Variants in CPZ observed in about 807,000 individuals in gnomAD.
The protein encoded by CPZ is VEZT/CPZ fusion.
Under a neutral mutation model 61.8 loss-of-function variants are expected in CPZ, and 103 were observed. That is an observed-to-expected ratio of 1.67 (90% CI 1.42 to 1.96). The LOEUF is 1.96. Ranked by LOEUF, CPZ falls within the 30% of genes most tolerant of loss-of-function variation. The probability of loss-of-function intolerance (pLI) is 0.00; values close to 1 mark genes in which losing one functional copy is unlikely to be tolerated. For synonymous variants in CPZ, 551 were observed against 373.7 expected, an observed-to-expected ratio of 1.47 and a Z score of -5.47; for missense variants, 1,461 against 914.9, an observed-to-expected ratio of 1.60 and a Z score of -7.70.
intron 7 of CPZ, among the ~76,000 whole-genome samples, chr4:8,608,380 AGGTGCCG>A (rs1262748736): frequency 6.6e-6 from 1 of 152,278 alleles, no homozygotes; most frequent in Admixed American, 6.5e-5. Flanking sequence ...GGCAAGTGCC[AGGTGCCG>A]GGCCCCTCAT....
At chr4:8,609,027 CTTCA>C (rs1560297568) in intron 7 of CPZ, among the ~76,000 whole-genome samples, 4 of 79,896 alleles carry the variant, frequency 5.0e-5, no homozygotes, top group Admixed American at 9.8e-5. Flanking sequence ...TAACTCACTC[CTTCA>C]CTCACCCATT....
chr4:8,611,415 A>G, intron 7 of CPZ: 1 of 414,136 alleles, frequency 2.4e-6, no homozygotes, highest in Non-Finnish European at 5.0e-6. Context: ...CACACATCCA[A>G]ACATGTCAAG....
chr4:8,609,233 G>GTCACTCATTCACTCATCAC (rs1715414613), intron 7 of CPZ, among the ~76,000 whole-genome samples: 1 of 24,382 alleles, frequency 4.1e-5, no homozygotes, highest in Non-Finnish European at 8.4e-5. Context: ...CTCACTCATT[G>GTCACTCATTCACTCATCAC]TCACTCATTC....
chr4:8,612,775 C>T (rs1052975555), intron 8 of CPZ, among the ~76,000 whole-genome samples: 5 of 152,226 alleles, frequency 3.3e-5, no homozygotes, highest in African/African-American at 9.6e-5. Flanking sequence ...TGCACCTCTC[C>T]ATGCCGGCAC....
rs149208953 is a variant in CPZ, at chr4:8,612,086, G to C, written c.1287G>C (p.Ser429=). ...ADVHPMMMDR[S]ENRCGGNFLK... ...TCCACCCCATGATGATGGACAGGTC[G>C]GAGAATAGGTGTGGAGGCAATTTCC... Residue 429 remains serine, a synonymous_variant, in exon 8 of 11, where the codon TCG becomes TCC. Transcript: ENST00000360986. 6.2e-7 allele frequency: 1 copy of C among 1,613,524 alleles called. No homozygotes were observed. The highest frequency in any genetic ancestry group is 1.1e-5 in the South Asian group (1 of 91,032).
At chr4:8,611,014 A>C in intron 7 of CPZ, 1 of 290,716 alleles carries the variant, frequency 3.4e-6, no homozygotes, top group Non-Finnish European at 7.0e-6. Flanking sequence ...TCACTCACTC[A>C]TTCACTCATT....
chr4:8,596,431 C>T (rs1714188756), intron 1 of CPZ, among the ~76,000 whole-genome samples: 1 of 152,254 alleles, frequency 6.6e-6, no homozygotes, highest in South Asian at 2.1e-4. Flanking sequence ...GTGCCTTGCA[C>T]ATGGCGGCCA....
rs112947342 is a variant in CPZ at position 8,619,333 on chromosome 4, G to T, written c.1675G>T (p.Ala559Ser). 112 of 1,613,964 alleles carry T rather than the reference G, an allele frequency of 6.9e-5. No individual in the cohort carries two copies. Among genetic ancestry groups the T allele is most frequent in the Non-Finnish European group, 9.4e-5 (111 of 1,180,000 alleles). The change falls in exon 11 of 11, where the codon GCC (alanine) becomes TCC (serine). Residue 559 changes from alanine (A) to serine (S), a missense_variant. Transcript: ENST00000360986. ...TGTCATTGCCCAAGCCCCTGGCTACGCCAAAGTCATCAAGAAAGTCATCAT... is the reference window on the plus strand; with the variant it reads ...TGTCATTGCCCAAGCCCCTGGCTACTCCAAAGTCATCAAGAAAGTCATCAT... ...HIVIAQAPGY[A>S]KVIKKVIIPA... is the part of the protein sequence containing the mutation.
At chr4:8,611,456 C>T (rs1156590714) in intron 7 of CPZ, among the ~76,000 whole-genome samples, 1 of 152,140 alleles carries the variant, frequency 6.6e-6, no homozygotes, top group Non-Finnish European at 1.5e-5. Context: ...GTGTTCTGTC[C>T]CTCTGCCAAC....
chr4:8,610,467 T>C (rs1045087056), intron 7 of CPZ, among the ~76,000 whole-genome samples: 1 of 152,032 alleles, frequency 6.6e-6, no homozygotes. Context: ...CAGGGAGGCC[T>C]TGTGGGTAGA....
At chr4:8,613,564 C>T (rs889828238) in intron 8 of CPZ, among the ~76,000 whole-genome samples, 2 of 152,204 alleles carry the variant, frequency 1.3e-5, no homozygotes, top group Non-Finnish European at 2.9e-5. Flanking sequence ...GCAGGCTCTG[C>T]GGCTCAGGAG....
chr4:8,599,776 C>A (rs745748509), intron 2 of CPZ: 2 of 528,260 alleles, frequency 3.8e-6, no homozygotes, highest in Non-Finnish European at 6.2e-6. Context: ...ACACGTCCTG[C>A]ATTTGGGCCT....
At chr4:8,610,282 C>G (rs969729964) in intron 7 of CPZ, among the ~76,000 whole-genome samples, 1 of 152,236 alleles carries the variant, frequency 6.6e-6, no homozygotes, top group African/African-American at 2.4e-5. Context: ...CCTCTGATGT[C>G]CTTGTCCTGC....
intron 3 of CPZ, 46 bp downstream of exon 3, chr4:8,601,543 G>C (rs777051778): frequency 7.0e-7 from 1 of 1,423,104 alleles, no homozygotes; most frequent in Non-Finnish European, 9.2e-7. Flanking sequence ...GGTCCAGGTG[G>C]TCAAGGAGGA....
At chr4:8,619,141 C>A (rs1242193624) in intron 10 of CPZ, 121 bp from the exon 11 acceptor site, 10 of 789,022 alleles carry the variant, frequency 1.3e-5, no homozygotes, top group African/African-American at 1.8e-5. Context: ...CACACAGAGG[C>A]AAGTGCACAT....
At chr4:8,610,545 C>T (rs1251186826) in intron 7 of CPZ, among the ~76,000 whole-genome samples, 1 of 152,162 alleles carries the variant, frequency 6.6e-6, no homozygotes, top group African/African-American at 2.4e-5. Context: ...CTCCTACCCC[C>T]CGAGGCTACA....
At position 8,618,093 on chromosome 4, in the gene CPZ, G is replaced by T. The variant is rs1322494776; in HGVS notation, c.1504-336G>T. 2.8e-5 allele frequency: 9 copies of T among 320,964 alleles called. No individual in the cohort carries two copies. The East Asian group carries it at 7.0e-4, about 25-fold the overall frequency. 19.9% of individuals were successfully genotyped at this position (320,964 alleles called of 1,614,324 possible). A position where few individuals can be genotyped will look rare whatever the true frequency, so the allele number is the denominator to read the frequency against. ...AGGGAGTCCCGCTGGGGCTGGGAAG[G>T]CAGGGAAGGAATGCCGATCAGGCAG... On this transcript the variant is annotated intron_variant, in intron 9 of 10. Coordinates refer to ENST00000360986, the MANE Select transcript of CPZ (RefSeq NM_001014447.3).
Position 8,603,642 on chromosome 4 carries a change from G to C in CPZ, c.497-334G>C, listed in dbSNP as rs886982330. 8 of 349,040 alleles carry C rather than the reference G, an allele frequency of 2.3e-5. No homozygotes were observed. The South Asian group carries it at 3.5e-4, about 15-fold the overall frequency. The allele number at this position is 349,040 out of a possible 1,614,324, so 21.6% of individuals were successfully genotyped here. On this transcript the variant is annotated intron_variant, in intron 3 of 10. Coordinates refer to ENST00000360986, the MANE Select transcript of CPZ (RefSeq NM_001014447.3). ...GAAAATCCCCTCTGCACACCCAGCA[G>C]GGGTTTGCCTTGGGGGGTCCAGGAC...
chr4:8,601,443 C>T lies in CPZ; in HGVS notation c.442C>T (p.Arg148Cys), dbSNP rs377251041. 2.8e-5 allele frequency: 44 copies of T among 1,544,730 alleles called. No individual in the cohort carries two copies. Among genetic ancestry groups the T allele is most frequent in the East Asian group, 4.7e-5 (2 of 42,582 alleles). The part of the protein sequence containing the change: ...MAWPYFLDCH[R>C]YFTREDEGCY... The stretch of plus-strand genomic sequence containing the variant: ...CTGGCCCTACTTCCTTGACTGCCAC[C>T]GCTACTTCACGAGAGAGGACGAGGG... Residue 148 changes from arginine (R) to cysteine (C), a missense_variant, in exon 3 of 11, where the codon CGC becomes TGC. Physicochemically the swap from Arg to Cys is radical, Grantham distance 180. Transcript: ENST00000360986.
Sources: allele counts gnomAD v4.1 joint callset (sites outside exome capture counted in the v4.1 genomes callset), GRCh38; gene constraint gnomAD v4.1.1; transcripts MANE v1.5; gene names NCBI Gene and HGNC (gene_info 2026-07-23, HGNC 2026-07-21).